Variants in FARP2 observed in about 807,000 individuals in gnomAD.
The protein encoded by FARP2 is FERM, ARHGEF and pleckstrin domain-containing protein 2.
FARP2 carries 111 observed loss-of-function variants against 130.5 expected under a neutral mutation model. That is an observed-to-expected ratio of 0.85 (90% CI 0.73 to 1.00). The LOEUF is 1.00. Among genes scored for constraint, FARP2 ranks in the 50% least tolerant of loss-of-function variants. The pLI is 0.00. For synonymous variants in FARP2, 504 were observed against 516.9 expected, an observed-to-expected ratio of 0.98 and a Z score of 0.34; for missense variants, 1,385 against 1,346.3, an observed-to-expected ratio of 1.03 and a Z score of -0.45.
chr2:241,403,266 G>A (rs1426523497), intron 2 of FARP2, among the ~76,000 whole-genome samples: 1 of 151,858 alleles, frequency 6.6e-6, no homozygotes, highest in African/African-American at 2.4e-5. Flanking sequence ...CCAGGCTGGA[G>A]TGCAGTGGCA....
At chr2:241,429,986 A>AC (rs2063051805) in intron 8 of FARP2, among the ~76,000 whole-genome samples, 2 of 152,298 alleles carry the variant, frequency 1.3e-5, no homozygotes, top group South Asian at 4.1e-4. Context: ...GTACCTCATC[A>AC]CACTCATCTT....
chr2:241,377,990 A>G lies in FARP2; in HGVS notation c.183+4700A>G, dbSNP rs144433956. Among the ~76,000 whole-genome samples the G allele has an allele frequency of 2.6e-3, 403 of 152,230 alleles. 1 individual carries two copies. The highest frequency in any genetic ancestry group is 2.5e-3 in the Non-Finnish European group (173 of 68,012). On this transcript the variant is annotated intron_variant, in intron 2 of 26. Transcript: ENST00000264042. ...CCTGCCAGCAATGTTATATGTTCCA[A>G]TTTCTCCACATATTTGCCAACACTT...
In FARP2 at chr2:241,459,674, T is replaced by A. The variant is rs2063960046; in HGVS notation, c.1587+2752T>A. Among the ~76,000 whole-genome samples the A allele has an allele frequency of 6.6e-6, 1 of 152,224 alleles. No homozygotes were observed. Among genetic ancestry groups the A allele is most frequent in the South Asian group, 2.1e-4 (1 of 4,828 alleles). On this transcript the variant is annotated intron_variant, in intron 14 of 26. Coordinates refer to ENST00000264042, the MANE Select transcript of FARP2 (RefSeq NM_014808.4). The surrounding 1 kb of genome is among the most constrained non-coding windows in gnomAD (Gnocchi z 5.3). ...GGAATTGCATGCTCCTCTGGGCCTA[T>A]CCCTGGCCGCCGTCTCATCCCTGGC...
Position 241,403,895 on chromosome 2 carries a change from A to G in FARP2, c.251A>G (p.Tyr84Cys), listed in dbSNP as rs1429475083. 5.0e-6 allele frequency: 8 copies of G among 1,613,540 alleles called. No individual in the cohort carries two copies. The highest frequency in any genetic ancestry group is 1.1e-5 in the South Asian group (1 of 91,056). The change falls in exon 3 of 27, where the codon TAC (tyrosine) becomes TGC (cysteine). Residue 84 changes from tyrosine to cysteine, a missense_variant. Coordinates refer to ENST00000264042, the MANE Select transcript of FARP2 (RefSeq NM_014808.4). ...WKRLNLVECDYFGMEFQNTQS... is the reference protein window; with the variant it reads ...WKRLNLVECDCFGMEFQNTQS... ...CGTTTAAACCTGGTAGAATGTGACTACTTCGGGATGGAGTTTCAAAATACT... is the reference window on the plus strand; with the variant it reads ...CGTTTAAACCTGGTAGAATGTGACTGCTTCGGGATGGAGTTTCAAAATACT...
At chr2:241,439,142 A>G (rs1358246700) in intron 12 of FARP2, among the ~76,000 whole-genome samples, 3 of 151,644 alleles carry the variant, frequency 2.0e-5, no homozygotes, top group African/African-American at 7.3e-5. Context: ...CAGCCTCCCA[A>G]GTAGCTGAGA....
intron 8 of FARP2, among the ~76,000 whole-genome samples, chr2:241,424,111 C>T (rs932394979): frequency 3.3e-5 from 5 of 152,128 alleles, no homozygotes; most frequent in African/African-American, 1.2e-4. Context: ...GATAAAGTGA[C>T]CTTATAGATA....
intron 1 of FARP2, among the ~76,000 whole-genome samples, chr2:241,366,129 A>ATATATACATATATATATATACGTATG (rs1553705686): frequency 1.0e-5 from 1 of 99,204 alleles, no homozygotes; most frequent in Non-Finnish European, 2.2e-5. Context: ...ATACGTATAT[A>ATATATACATATATATATATACGTATG]TATATATATA....
intron 2 of FARP2, among the ~76,000 whole-genome samples, chr2:241,377,486 C>A (rs942827316): frequency 6.6e-6 from 1 of 152,034 alleles, no homozygotes; most frequent in African/African-American, 2.4e-5. Flanking sequence ...GGACTATAGG[C>A]GCCCGCCACC....
At chr2:241,471,193 G>A (rs2064296172) in intron 18 of FARP2, 1 of 151,048 alleles carries the variant, frequency 6.6e-6, no homozygotes, top group Non-Finnish European at 1.5e-5. Flanking sequence ...CTTCTGAGGG[G>A]ACCCTGTTAT....
chr2:241,462,651 T>C, intron 15 of FARP2, 39 bp downstream of exon 15: 1 of 1,277,908 alleles, frequency 7.8e-7, no homozygotes, highest in Non-Finnish European at 1.1e-6. Context: ...TTTTTTAAAA[T>C]AAATCTCTCA....
intron 20 of FARP2, 119 bp downstream of exon 20, chr2:241,483,652 C>A: frequency 1.5e-6 from 2 of 1,290,710 alleles, no homozygotes; most frequent in South Asian, 1.3e-5. Flanking sequence ...CACTTGGAGG[C>A]TTTGGTCCAG....
chr2:241,378,270 A>ATT (rs141659095), intron 2 of FARP2, among the ~76,000 whole-genome samples: 1 of 141,538 alleles, frequency 7.1e-6, no homozygotes. Context: ...CCCGGCTAAT[A>ATT]TTTTTTTTTT....
intron 18 of FARP2, among the ~76,000 whole-genome samples, chr2:241,473,280 C>G (rs1001320002): frequency 2.0e-5 from 3 of 151,248 alleles, no homozygotes; most frequent in African/African-American, 7.3e-5. Context: ...TCTGAGGGGA[C>G]CCTTTTCTGA....
At chr2:241,447,356 G>A (rs1328216500) in intron 13 of FARP2, among the ~76,000 whole-genome samples, 1 of 152,126 alleles carries the variant, frequency 6.6e-6, no homozygotes, top group Non-Finnish European at 1.5e-5. Context: ...GATGTCTGTG[G>A]AAGGCCAGTG....
At chr2:241,422,296 G>T (rs866215592) in intron 8 of FARP2, among the ~76,000 whole-genome samples, 6 of 150,718 alleles carry the variant, frequency 4.0e-5, no homozygotes, top group African/African-American at 1.5e-4. Flanking sequence ...CACGCACAGC[G>T]GTAGGCTGAG....
At chr2:241,360,406 C>G (rs1236603598) in intron 1 of FARP2, among the ~76,000 whole-genome samples, 1 of 151,916 alleles carries the variant, frequency 6.6e-6, no homozygotes, top group African/African-American at 2.4e-5. Flanking sequence ...TTTGGGAGGC[C>G]GAGGTGGGTG....
intron 18 of FARP2, chr2:241,471,203 T>C (rs956838467): frequency 6.6e-6 from 1 of 151,170 alleles, no homozygotes; most frequent in Admixed American, 6.6e-5. Flanking sequence ...GACCCTGTTA[T>C]AACGGGATAC....
chr2:241,476,864 T>A (rs916331973), intron 19 of FARP2, among the ~76,000 whole-genome samples: 4 of 152,108 alleles, frequency 2.6e-5, no homozygotes, highest in Admixed American at 6.5e-5. Flanking sequence ...CCACAGCAAT[T>A]AACAGTCACT....
chr2:241,465,900 C>T, intron 17 of FARP2: 1 of 1,448,092 alleles, frequency 6.9e-7, no homozygotes, highest in South Asian at 1.4e-5. Flanking sequence ...TGAAGAACTG[C>T]ATTCAGCCTA....
Sources: allele counts gnomAD v4.1 joint callset (sites outside exome capture counted in the v4.1 genomes callset), GRCh38; gene constraint gnomAD v4.1.1; non-coding constraint Gnocchi (gnomAD v3.1); transcripts MANE v1.5; gene names NCBI Gene and HGNC (gene_info 2026-07-23, HGNC 2026-07-21).